Variants in SOCS5 observed in about 807,000 individuals in gnomAD.
SOCS5 encodes the protein suppressor of cytokine signaling 5.
Under a neutral mutation model 42.8 loss-of-function variants are expected in SOCS5, and 32 were observed. The ratio of observed to expected loss-of-function variants is 0.75; its 90% CI spans 0.56 to 1.01. The LOEUF (loss-of-function observed/expected upper bound fraction) is 1.01. Among genes scored for constraint, SOCS5 ranks in the 50% least tolerant of loss-of-function variants. SOCS5 has a pLI of 0.00. For missense variants in SOCS5, 627 were observed against 653.0 expected (o/e 0.96, Z 0.43); for synonymous variants, 283 against 229.6 (o/e 1.23, Z -2.10).
Position 46,746,918 on chromosome 2 carries a change from A to G in SOCS5, c.-12-11601A>G, listed in dbSNP as rs995446190. On this transcript the variant is annotated intron_variant, in intron 1 of 1. Coordinates refer to ENST00000394861, the MANE Select transcript of SOCS5 (RefSeq NM_144949.3). ...TCTCTTTTCCAATTTGCATGACTTTATTTCTTTTTTTTTTTTTTTTTTTTT... is the reference window on the plus strand; with the variant it reads ...TCTCTTTTCCAATTTGCATGACTTTGTTTCTTTTTTTTTTTTTTTTTTTTT... Among the ~76,000 whole-genome samples, 8 of 61,272 alleles carry G rather than the reference A, an allele frequency of 1.3e-4. No individual in the cohort carries two copies. The East Asian group carries it at 3.5e-3, about 26-fold the overall frequency. 40.2% of individuals were successfully genotyped at this position (61,272 alleles called of 152,430 possible).
chr2:46,715,519 G>A (rs1672718935), intron 1 of SOCS5, among the ~76,000 whole-genome samples: 1 of 151,896 alleles, frequency 6.6e-6, no homozygotes, highest in Non-Finnish European at 1.5e-5. Flanking sequence ...TACATTTCCT[G>A]TAGTTCAACA....
intron 1 of SOCS5, among the ~76,000 whole-genome samples, chr2:46,711,418 A>G (rs911196694): frequency 1.3e-5 from 2 of 152,184 alleles, no homozygotes; most frequent in Non-Finnish European, 2.9e-5. Context: ...GCTATTTTGC[A>G]TATCATCCTT....
At chr2:46,712,307 T>TC (rs1456838299) in intron 1 of SOCS5, among the ~76,000 whole-genome samples, 1 of 66,348 alleles carries the variant, frequency 1.5e-5, no homozygotes, top group Admixed American at 1.6e-4. Flanking sequence ...TGCTTAGAGC[T>TC]TTTTTTTTTC....
At chr2:46,754,800 C>T (rs1219162177) in intron 1 of SOCS5, among the ~76,000 whole-genome samples, 3 of 152,162 alleles carry the variant, frequency 2.0e-5, no homozygotes, top group South Asian at 4.1e-4. Flanking sequence ...GTGTAAATAA[C>T]AATTAAAAAT....
chr2:46,743,394 G>A (rs1673422403), intron 1 of SOCS5, among the ~76,000 whole-genome samples: 1 of 152,152 alleles, frequency 6.6e-6, no homozygotes. Flanking sequence ...GATTATTCAT[G>A]CCTCCCTTTT....
At chr2:46,720,871 G>A (rs1407397049) in intron 1 of SOCS5, among the ~76,000 whole-genome samples, 1 of 151,296 alleles carries the variant, frequency 6.6e-6, no homozygotes, top group East Asian at 1.9e-4. Flanking sequence ...TCTTCCTTTT[G>A]GGTGTCAGCA....
chr2:46,720,175 T>C (rs1333243527), intron 1 of SOCS5, among the ~76,000 whole-genome samples: 1 of 152,212 alleles, frequency 6.6e-6, no homozygotes, highest in African/African-American at 2.4e-5. Flanking sequence ...GAACTAAAGA[T>C]AATCCAAGTA....
chr2:46,758,353 T>C lies in SOCS5; in HGVS notation c.-12-166T>C, dbSNP rs41428947. Among the ~76,000 whole-genome samples, 864 of 152,328 alleles carry C rather than the reference T, an allele frequency of 5.7e-3. 9 individuals are homozygous for C. The highest frequency in any genetic ancestry group is 0.02 in the African/African-American group (831 of 41,572). The stretch of plus-strand genomic sequence containing the variant: ...CTAAAAGGCCCGGTGGCCTTCCTGC[T>C]GCCCAACAGAACACACGGCCTCATC... On this transcript the variant is annotated intron_variant, in intron 1 of 1. Coordinates refer to ENST00000394861, the MANE Select transcript of SOCS5 (RefSeq NM_144949.3).
intron 1 of SOCS5, among the ~76,000 whole-genome samples, chr2:46,724,789 T>C (rs1672957913): frequency 6.6e-6 from 1 of 152,100 alleles, no homozygotes; most frequent in South Asian, 2.1e-4. Context: ...GGATGTGATC[T>C]GTCTTGGTGA....
intron 1 of SOCS5, among the ~76,000 whole-genome samples, chr2:46,746,829 T>C (rs1177237545): frequency 6.6e-6 from 1 of 152,114 alleles, no homozygotes; most frequent in African/African-American, 2.4e-5. Flanking sequence ...TTTTCTTTCT[T>C]TTTTAAGATT....
intron 1 of SOCS5, among the ~76,000 whole-genome samples, chr2:46,733,950 TA>T (rs1221746331): frequency 2.0e-5 from 3 of 152,260 alleles, no homozygotes; most frequent in Non-Finnish European, 4.4e-5. Context: ...ATTTAGGATG[TA>T]ATCAGTATGC....
At position 46,717,668 on chromosome 2, in the gene SOCS5, T is replaced by C. The variant is rs1022350044; in HGVS notation, c.-13+18219T>C. 3.3e-5 allele frequency among the ~76,000 whole-genome samples: 5 copies of C among 152,138 alleles called. No homozygotes were observed. The East Asian group carries it at 9.6e-4, about 29-fold the overall frequency. On this transcript the variant is annotated intron_variant, in intron 1 of 1. Transcript: ENST00000394861. ...TTTTCTCATCCCACTGCTCTAAAGATTTCTCTTTTTATCTTTGGTTTTATG... is the reference window on the plus strand; with the variant it reads ...TTTTCTCATCCCACTGCTCTAAAGACTTCTCTTTTTATCTTTGGTTTTATG...
Position 46,759,415 on chromosome 2 carries a change from A to G in SOCS5, c.885A>G (p.Pro295=), listed in dbSNP as rs1673808182. 1.2e-6 allele frequency: 2 copies of G among 1,613,994 alleles called. No individual in the cohort carries two copies. The highest frequency in any genetic ancestry group is 8.5e-7 in the Non-Finnish European group (1 of 1,179,852). Residue 295 remains proline (P), a synonymous_variant, in exon 2 of 2, where the codon CCA becomes CCG. Coordinates refer to ENST00000394861, the MANE Select transcript of SOCS5 (RefSeq NM_144949.3). ...HTFEATAQVN[P]LYKLGPKLAP... The stretch of plus-strand genomic sequence containing the variant: ...TTGAAGCTACTGCACAGGTTAATCC[A>G]TTATATAAACTGGGACCAAAATTAG...
At chr2:46,719,652 C>T (rs116132162) in intron 1 of SOCS5, among the ~76,000 whole-genome samples, 1 of 152,126 alleles carries the variant, frequency 6.6e-6, no homozygotes, top group Non-Finnish European at 1.5e-5. Context: ...GGACCTGGTG[C>T]TCTTTAGGAA....
At chr2:46,743,631 C>A (rs1438421037) in intron 1 of SOCS5, among the ~76,000 whole-genome samples, 1 of 152,120 alleles carries the variant, frequency 6.6e-6, no homozygotes, top group Non-Finnish European at 1.5e-5. Flanking sequence ...ATGCCTTAAC[C>A]ATTTAGGAAT....
intron 1 of SOCS5, among the ~76,000 whole-genome samples, chr2:46,713,112 T>A (rs1672664510): frequency 6.6e-6 from 1 of 152,344 alleles, no homozygotes; most frequent in East Asian, 1.9e-4. Flanking sequence ...TCCCAGCATT[T>A]TGGGAGACTG....
intron 1 of SOCS5, among the ~76,000 whole-genome samples, chr2:46,741,381 A>G (rs1252876694): frequency 6.6e-6 from 1 of 152,156 alleles, no homozygotes; most frequent in Admixed American, 6.5e-5. Flanking sequence ...TGGGATTACA[A>G]GCGTGCGCCA....
At position 46,760,188 on chromosome 2, in the gene SOCS5, A is replaced by C. The variant is rs769820415; in HGVS notation, c.*47A>C. 2 of 1,391,540 alleles carry C rather than the reference A, an allele frequency of 1.4e-6. No individual in the cohort carries two copies. The highest frequency in any genetic ancestry group is 2.0e-6 in the Non-Finnish European group (2 of 996,992). The allele number at this position is 1,391,540 out of a possible 1,614,324, so 86.2% of individuals were successfully genotyped here. Reference sequence around the variant, plus strand: ...GTTAACTAGGTCCGCTTTCATGTGCATCAGACAGTACACCTATAGCAAGCA... The same window carrying C: ...GTTAACTAGGTCCGCTTTCATGTGCCTCAGACAGTACACCTATAGCAAGCA... On this transcript the variant is annotated 3_prime_UTR_variant, in exon 2 of 2. Coordinates refer to ENST00000394861, the MANE Select transcript of SOCS5 (RefSeq NM_144949.3).
intron 1 of SOCS5, among the ~76,000 whole-genome samples, chr2:46,739,745 G>C (rs1033680512): frequency 4.0e-5 from 6 of 151,810 alleles, no homozygotes; most frequent in Non-Finnish European, 8.8e-5. Flanking sequence ...TCCCTAAATG[G>C]TATAGTTTAG....
Sources: gnomAD v4.1 joint callset for allele counts (sites outside exome capture counted in the v4.1 genomes callset) on GRCh38, gnomAD v4.1.1 for gene constraint, MANE v1.5 for transcripts, NCBI Gene and HGNC (gene_info 2026-07-23, HGNC 2026-07-21) for gene names.